The following SORCS2 variants were observed in gnomAD, a reference collection of about 807,000 sequenced individuals.
SORCS2 encodes sortilin related VPS10 domain containing receptor 2, also known as VPS10 domain-containing receptor SorCS2.
Under a neutral mutation model 141.6 loss-of-function variants are expected in SORCS2, and 100 were observed. The ratio of observed to expected loss-of-function variants is 0.71; its 90% CI spans 0.60 to 0.83. SORCS2 has a LOEUF of 0.83. Among genes scored for constraint, SORCS2 ranks in the 40% least tolerant of loss-of-function variants. The probability of loss-of-function intolerance (pLI) is 0.00; values close to 1 mark genes in which losing one functional copy is unlikely to be tolerated. For missense variants in SORCS2, 1,646 were observed against 1,560.2 expected (o/e 1.05, Z -0.93); for synonymous variants, 789 against 676.9 (o/e 1.17, Z -2.57).
At chr4:7,503,604 GGA>G (rs1340725066) in intron 2 of SORCS2, among the ~76,000 whole-genome samples, 1 of 152,168 alleles carries the variant, frequency 6.6e-6, no homozygotes, top group African/African-American at 2.4e-5. Flanking sequence ...AGTAACAGCT[GGA>G]GAGGGTATAC....
At chr4:7,724,769 A>G (rs1279143433) in intron 19 of SORCS2, among the ~76,000 whole-genome samples, 311 of 9,368 alleles carry the variant, frequency 0.033, 2 homozygotes, top group Middle Eastern at 0.05. Context: ...GTTGGTGATG[A>G]TGGTGGTGAT....
chr4:7,522,382 T>C (rs1389065050), intron 2 of SORCS2, among the ~76,000 whole-genome samples: 2 of 152,270 alleles, frequency 1.3e-5, no homozygotes, highest in Non-Finnish European at 2.9e-5. Context: ...ATTTTCCAAC[T>C]GCGCTTGCCT....
intron 2 of SORCS2, among the ~76,000 whole-genome samples, chr4:7,510,960 G>A (rs1379997092): frequency 2.0e-5 from 3 of 152,226 alleles, no homozygotes; most frequent in Non-Finnish European, 4.4e-5. Context: ...TACCAGGGAG[G>A]TTCGAGGCCG....
chr4:7,240,736 G>A (rs1712637219), intron 1 of SORCS2, among the ~76,000 whole-genome samples: 1 of 152,128 alleles, frequency 6.6e-6, no homozygotes, highest in South Asian at 2.1e-4. Context: ...CCCCCTGAAG[G>A]GGCAGTGAGA....
intron 2 of SORCS2, among the ~76,000 whole-genome samples, chr4:7,427,939 C>T (rs1225751173): frequency 3.9e-5 from 6 of 152,050 alleles, no homozygotes; most frequent in Non-Finnish European, 7.4e-5. Flanking sequence ...CATATCACCA[C>T]CCCTGAGGGC....
At chr4:7,603,337 AATTG>A (rs760234582) in intron 3 of SORCS2, among the ~76,000 whole-genome samples, 40 of 152,140 alleles carry the variant, frequency 2.6e-4, no homozygotes, top group Non-Finnish European at 4.9e-4. Context: ...TAACTTTTGA[AATTG>A]ATTGTAATGA....
chr4:7,405,003 C>A (rs1447812074), intron 2 of SORCS2, among the ~76,000 whole-genome samples: 1 of 152,124 alleles, frequency 6.6e-6, no homozygotes, highest in Non-Finnish European at 1.5e-5. Flanking sequence ...ACATTAAAGT[C>A]TTTAATCCAT....
intron 2 of SORCS2, 85 bp downstream of exon 2, chr4:7,396,440 A>C (rs1577497284): frequency 7.2e-7 from 1 of 1,398,480 alleles, no homozygotes; most frequent in Non-Finnish European, 9.9e-7. Context: ...AGATCCAAAC[A>C]CCTCACTGTG....
intron 2 of SORCS2, among the ~76,000 whole-genome samples, chr4:7,494,527 G>GAGAA (rs1553874370): frequency 6.6e-6 from 1 of 151,554 alleles, no homozygotes; most frequent in Non-Finnish European, 1.5e-5. Context: ...GAGAGAGAGA[G>GAGAA]AAAGCTCTCT....
rs189726550 is a variant in SORCS2, at chr4:7,739,243, G to A, written c.3416-957G>A. Among the ~76,000 whole-genome samples the A allele has an allele frequency of 6.8e-4, 103 of 152,178 alleles. 1 individual carries two copies. Among genetic ancestry groups the A allele is most frequent in the African/African-American group, 1.2e-3 (50 of 41,526 alleles). ...CGAAGGCCCCGGGCCGCGGGTGAGC[G>A]TCCTACAACTCTAAAGACCCCTCCA... On this transcript the variant is annotated intron_variant, in intron 26 of 26. Coordinates refer to ENST00000507866, the MANE Select transcript of SORCS2 (RefSeq NM_020777.3).
intron 3 of SORCS2, among the ~76,000 whole-genome samples, chr4:7,599,458 C>T (rs74835171): frequency 0.016 from 2,418 of 152,322 alleles, 76 homozygotes; most frequent in African/African-American, 0.056. Flanking sequence ...GTGGTGCTGT[C>T]ATGCAGAGAC....
At chr4:7,448,023 C>A (rs943620877) in intron 2 of SORCS2, among the ~76,000 whole-genome samples, 1 of 152,204 alleles carries the variant, frequency 6.6e-6, no homozygotes, top group Non-Finnish European at 1.5e-5. Context: ...GTATGAGCGG[C>A]TCGTGCTGGG....
chr4:7,471,867 C>T (rs1012947486), intron 2 of SORCS2, among the ~76,000 whole-genome samples: 10 of 152,252 alleles, frequency 6.6e-5, no homozygotes, highest in Non-Finnish European at 1.5e-4. Flanking sequence ...ACAGGCTTTG[C>T]TGGAGTCTCC....
intron 2 of SORCS2, among the ~76,000 whole-genome samples, chr4:7,462,304 C>T (rs1729361047): frequency 6.6e-6 from 1 of 152,196 alleles, no homozygotes; most frequent in Non-Finnish European, 1.5e-5. Context: ...GAGATGTGAG[C>T]AAATCACGTA....
chr4:7,478,987 C>A (rs567214947), intron 2 of SORCS2, among the ~76,000 whole-genome samples: 5 of 152,178 alleles, frequency 3.3e-5, no homozygotes, highest in Non-Finnish European at 5.9e-5. Context: ...AAAATGACTT[C>A]CGAGGGTTCC....
chr4:7,709,118 C>T (rs1337547764), intron 14 of SORCS2, among the ~76,000 whole-genome samples: 1 of 152,218 alleles, frequency 6.6e-6, no homozygotes, highest in Non-Finnish European at 1.5e-5. Flanking sequence ...ACCAGGCACT[C>T]TGCCTGCACT....
At chr4:7,331,855 G>A (rs1421405121) in intron 1 of SORCS2, among the ~76,000 whole-genome samples, 1 of 152,162 alleles carries the variant, frequency 6.6e-6, no homozygotes, top group Non-Finnish European at 1.5e-5. Context: ...GTGACAGGTG[G>A]GGACACTGAG....
intron 1 of SORCS2, among the ~76,000 whole-genome samples, chr4:7,332,365 C>T (rs1462962658): frequency 2.0e-5 from 3 of 152,238 alleles, no homozygotes; most frequent in African/African-American, 7.2e-5. Context: ...GAGGCACCCG[C>T]AGCCTCCTGC....
At chr4:7,619,134 C>G (rs1718972241) in intron 3 of SORCS2, among the ~76,000 whole-genome samples, 1 of 152,176 alleles carries the variant, frequency 6.6e-6, no homozygotes, top group Non-Finnish European at 1.5e-5. Flanking sequence ...AGCTATCACC[C>G]CTCTCGAGGG....
Sources: allele counts gnomAD v4.1 joint callset (sites outside exome capture counted in the v4.1 genomes callset), GRCh38; gene constraint gnomAD v4.1.1; transcripts MANE v1.5; gene names NCBI Gene and HGNC (gene_info 2026-07-23, HGNC 2026-07-21).